PARD3B: variants seen among roughly 807,000 people sequenced by gnomAD.
PARD3B encodes partitioning defective 3 homolog B.
A neutral mutation model predicts 130.2 loss-of-function variants in PARD3B; 103 were observed. That is an observed-to-expected ratio of 0.79 (90% CI 0.67 to 0.93). The LOEUF is 0.93. Ranked by LOEUF, PARD3B falls within the 40% of genes least tolerant of loss-of-function variation. PARD3B has a pLI of 0.00. For synonymous variants in PARD3B, 583 were observed against 553.2 expected, an observed-to-expected ratio of 1.05 and a Z score of -0.76; for missense variants, 1,609 against 1,499.2, an observed-to-expected ratio of 1.07 and a Z score of -1.21.
At chr2:205,168,945 G>C (rs1193582843) in intron 11 of PARD3B, among the ~76,000 whole-genome samples, 1 of 152,098 alleles carries the variant, frequency 6.6e-6, no homozygotes, top group Non-Finnish European at 1.5e-5. Flanking sequence ...ACCTTAACTA[G>C]CTGAACAAGT....
chr2:204,588,963 C>T (rs1237305024), intron 1 of PARD3B, among the ~76,000 whole-genome samples: 3 of 151,718 alleles, frequency 2.0e-5, no homozygotes. Context: ...TTCTTTCTTT[C>T]TCAAGCTCTT....
intron 2 of PARD3B, among the ~76,000 whole-genome samples, chr2:204,936,406 G>A (rs964246922): frequency 2.6e-5 from 4 of 152,048 alleles, no homozygotes; most frequent in East Asian, 1.9e-4. Context: ...TTAACATGCC[G>A]GCTTATCATC....
intron 16 of PARD3B, among the ~76,000 whole-genome samples, chr2:205,294,313 G>A (rs1196455958): frequency 6.6e-6 from 1 of 151,876 alleles, no homozygotes; most frequent in Non-Finnish European, 1.5e-5. Context: ...GAACCATGGA[G>A]TATATTTTCT....
At position 205,183,731 on chromosome 2, in the gene PARD3B, TG is replaced by T. The variant is rs1376654310; in HGVS notation, c.1925-2032del. On this transcript the variant is annotated intron_variant, in intron 13 of 22. Transcript: ENST00000406610. The surrounding 1 kb of genome is among the most constrained non-coding windows in gnomAD (Gnocchi z 5.2). ...GTTCTGCAGAGAAACAGAACCAAGT[TG>T]TGTGTGTGTGTGTGTGTGTGTGTGT... 3.1e-3 allele frequency among the ~76,000 whole-genome samples: 13 copies of T among 4,228 alleles called. No homozygotes were observed. The highest frequency in any genetic ancestry group is 5.1e-3 in the Non-Finnish European group (10 of 1,948). The allele number at this position is 4,228 out of a possible 152,430, so 2.8% of individuals were successfully genotyped here.
At chr2:205,393,067 T>G (rs1448279564) in intron 18 of PARD3B, among the ~76,000 whole-genome samples, 1 of 151,972 alleles carries the variant, frequency 6.6e-6, no homozygotes, top group African/African-American at 2.4e-5. Flanking sequence ...AGAAAAGACC[T>G]TCGTGACACA....
intron 2 of PARD3B, among the ~76,000 whole-genome samples, chr2:204,835,120 A>G (rs1440537045): frequency 6.6e-6 from 1 of 152,220 alleles, no homozygotes; most frequent in Non-Finnish European, 1.5e-5. Context: ...GCAGTGCTGA[A>G]ATGAGCTCTG....
In PARD3B at chr2:205,095,998, G is replaced by A. The variant is rs1367729728; in HGVS notation, c.505-8428G>A. ...AAGGTTTTGGTTTTATTTCAGGTAT[G>A]CTTCATGCCATAGATTTATTCCTCA... On this transcript the variant is annotated intron_variant, in intron 4 of 22. Coordinates refer to ENST00000406610, the MANE Select transcript of PARD3B (RefSeq NM_001302769.2). 3.3e-5 allele frequency among the ~76,000 whole-genome samples: 5 copies of A among 152,114 alleles called. No individual in the cohort carries two copies. The South Asian group carries it at 8.3e-4, about 25-fold the overall frequency.
At chr2:205,413,230 AG>A (rs971947108) in intron 19 of PARD3B, among the ~76,000 whole-genome samples, 2 of 152,200 alleles carry the variant, frequency 1.3e-5, no homozygotes, top group Admixed American at 1.3e-4. Context: ...AAATACTTAA[AG>A]TACCTAGAAC....
intron 20 of PARD3B, among the ~76,000 whole-genome samples, chr2:205,497,979 C>G (rs1301408507): frequency 6.7e-6 from 1 of 149,984 alleles, no homozygotes; most frequent in East Asian, 2.0e-4. Context: ...GAGTACTAGA[C>G]CAGCCTGGCC....
chr2:204,794,170 C>T (rs1419863977), intron 2 of PARD3B, among the ~76,000 whole-genome samples: 1 of 152,060 alleles, frequency 6.6e-6, no homozygotes, highest in Non-Finnish European at 1.5e-5. Context: ...CATTGCTTTA[C>T]TTTTCTGAAG....
chr2:204,816,135 G>A (rs1196438282), intron 2 of PARD3B, among the ~76,000 whole-genome samples: 1 of 151,882 alleles, frequency 6.6e-6, no homozygotes, highest in Admixed American at 6.6e-5. Flanking sequence ...TGATATTAAA[G>A]CACTTTACAT....
intron 21 of PARD3B, among the ~76,000 whole-genome samples, chr2:205,505,699 A>G (rs2050333927): frequency 6.6e-6 from 1 of 152,216 alleles, no homozygotes; most frequent in Non-Finnish European, 1.5e-5. Flanking sequence ...TAGTCCTCTG[A>G]CAACGGGCTG....
rs1274772909 is a variant in PARD3B at position 205,463,085 on chromosome 2, A to G, written c.3044+22413A>G. ...CTGACAATTATTTTTTTTGCCCTCA[A>G]TATCCTTCCCTGCCCCCTTATTTGG... is the stretch of plus-strand genomic sequence containing the variant. On this transcript the variant is annotated intron_variant, in intron 20 of 22. Coordinates refer to ENST00000406610, the MANE Select transcript of PARD3B (RefSeq NM_001302769.2). This position sits in a 1 kb window ranked among gnomAD's most constrained non-coding sequence, Gnocchi z 4.8. Among the ~76,000 whole-genome samples the G allele has an allele frequency of 2.6e-5, 4 of 152,076 alleles. No homozygotes were observed. Among genetic ancestry groups the G allele is most frequent in the African/African-American group, 7.2e-5 (3 of 41,418 alleles).
intron 2 of PARD3B, among the ~76,000 whole-genome samples, chr2:204,775,225 T>A (rs73060960): frequency 1.3e-5 from 2 of 152,138 alleles, no homozygotes; most frequent in African/African-American, 4.8e-5. Flanking sequence ...ATCAGGAAAT[T>A]AAGTGTACTG....
chr2:205,136,457 C>T (rs780982988), intron 10 of PARD3B, among the ~76,000 whole-genome samples: 1 of 152,192 alleles, frequency 6.6e-6, no homozygotes, highest in African/African-American at 2.4e-5. Flanking sequence ...GCTCTGAGAA[C>T]AGCAAAGCTG....
At chr2:204,565,685 G>A (rs543017547) in intron 1 of PARD3B, among the ~76,000 whole-genome samples, 12 of 152,166 alleles carry the variant, frequency 7.9e-5, no homozygotes, top group East Asian at 3.9e-4. Flanking sequence ...TTCAAGTGCC[G>A]AGGTGTACAT....
At chr2:204,773,414 A>G (rs2041474741) in intron 2 of PARD3B, among the ~76,000 whole-genome samples, 1 of 151,880 alleles carries the variant, frequency 6.6e-6, no homozygotes, top group South Asian at 2.1e-4. Context: ...TTTCTTAGAG[A>G]TAGCTGTAAC....
chr2:205,190,791 T>G (rs769050749), intron 14 of PARD3B, among the ~76,000 whole-genome samples: 8 of 152,094 alleles, frequency 5.3e-5, no homozygotes, highest in Non-Finnish European at 1.0e-4. Flanking sequence ...AAAACTTAAG[T>G]GCAAATAAAG....
At chr2:204,925,785 A>C (rs1363330618) in intron 2 of PARD3B, among the ~76,000 whole-genome samples, 1 of 152,050 alleles carries the variant, frequency 6.6e-6, no homozygotes, top group African/African-American at 2.4e-5. Context: ...TCAAATTGTA[A>C]TCCCCACATG....
Sources: gnomAD v4.1 joint callset for allele counts (sites outside exome capture counted in the v4.1 genomes callset) on GRCh38, gnomAD v4.1.1 for gene constraint, Gnocchi (gnomAD v3.1) non-coding constraint, MANE v1.5 for transcripts, NCBI Gene and HGNC (gene_info 2026-07-23, HGNC 2026-07-21) for gene names.